Variants in DAAM1 observed in about 807,000 individuals in gnomAD.
DAAM1 encodes the protein disheveled-associated activator of morphogenesis 1.
Under a neutral mutation model 130.0 loss-of-function variants are expected in DAAM1, and 52 were observed. That is an observed-to-expected ratio of 0.40 (90% confidence interval 0.32 to 0.50). The LOEUF (loss-of-function observed/expected upper bound fraction) is 0.50. DAAM1 is among the 20% of genes least tolerant of loss of function. The pLI is 0.61. For missense variants in DAAM1, 1,134 were observed against 1,303.8 expected (o/e 0.87, Z 2.01); for synonymous variants, 452 against 444.5 (o/e 1.02, Z -0.21).
intron 18 of DAAM1, among the ~76,000 whole-genome samples, chr14:59,353,466 G>C (rs1469204462): frequency 6.6e-6 from 1 of 152,240 alleles, no homozygotes; most frequent in Non-Finnish European, 1.5e-5. Context: ...TTTGGGAGAA[G>C]TGTACGGAAC....
intron 1 of DAAM1, among the ~76,000 whole-genome samples, chr14:59,196,287 T>C (rs1335250011): frequency 6.6e-6 from 1 of 152,172 alleles, no homozygotes; most frequent in African/African-American, 2.4e-5. Context: ...CCAGATGAGA[T>C]AGATTGTTCA....
intron 1 of DAAM1, among the ~76,000 whole-genome samples, chr14:59,216,914 A>C (rs1256631074): frequency 5.3e-5 from 3 of 56,978 alleles, no homozygotes; most frequent in African/African-American, 1.7e-4. Flanking sequence ...GTATGTCTAT[A>C]TAGTTTTTTT....
chr14:59,208,219 A>G (rs1888322612), intron 1 of DAAM1, among the ~76,000 whole-genome samples: 1 of 152,162 alleles, frequency 6.6e-6, no homozygotes, highest in South Asian at 2.1e-4. Flanking sequence ...CTCCCAGTTG[A>G]CCGAATAGAC....
chr14:59,234,276 C>T (rs1182050287), intron 1 of DAAM1, among the ~76,000 whole-genome samples: 1 of 152,028 alleles, frequency 6.6e-6, no homozygotes, highest in African/African-American at 2.4e-5. Flanking sequence ...GAATGTTTTC[C>T]CTTTTGTTTG....
chr14:59,330,984 A>G (rs1289025307), intron 13 of DAAM1, among the ~76,000 whole-genome samples: 3 of 152,304 alleles, frequency 2.0e-5, no homozygotes, highest in East Asian at 3.9e-4. Flanking sequence ...TGAGAGAGAT[A>G]TGAATGCATC....
intron 1 of DAAM1, among the ~76,000 whole-genome samples, chr14:59,225,041 T>G (rs191351001): frequency 0.064 from 9,232 of 145,250 alleles, 613 homozygotes; most frequent in Non-Finnish European, 0.092. Flanking sequence ...TTTTTTTTTT[T>G]TTTTTGAGAC....
chr14:59,364,537 T>C (rs1566511212), intron 23 of DAAM1, among the ~76,000 whole-genome samples: 1 of 146,800 alleles, frequency 6.8e-6, no homozygotes, highest in African/African-American at 2.4e-5. Flanking sequence ...TCTCATTTTC[T>C]ATCCTCTTCT....
intron 15 of DAAM1, among the ~76,000 whole-genome samples, chr14:59,333,871 C>T (rs1365446393): frequency 6.6e-6 from 1 of 152,174 alleles, no homozygotes. Flanking sequence ...AATATGTGGA[C>T]AGTTCTCAAG....
chr14:59,224,588 T>C (rs1888877144), intron 1 of DAAM1, among the ~76,000 whole-genome samples: 1 of 152,258 alleles, frequency 6.6e-6, no homozygotes, highest in African/African-American at 2.4e-5. Context: ...ATATCTGATT[T>C]AGATGGCATT....
intron 2 of DAAM1, among the ~76,000 whole-genome samples, chr14:59,273,183 C>T (rs1330778239): frequency 1.3e-5 from 2 of 152,196 alleles, no homozygotes; most frequent in Non-Finnish European, 2.9e-5. Context: ...TCCAATAAAG[C>T]TTAAGATACG....
intron 4 of DAAM1, among the ~76,000 whole-genome samples, chr14:59,319,996 C>T (rs563770103): frequency 3.3e-5 from 5 of 152,200 alleles, no homozygotes; most frequent in South Asian, 2.1e-4. Context: ...CTAGAAGTTA[C>T]GCATTTACTC....
At chr14:59,197,560 GAGATTCTGTGAGT>G (rs1240721155) in intron 1 of DAAM1, among the ~76,000 whole-genome samples, 1 of 152,240 alleles carries the variant, frequency 6.6e-6, no homozygotes, top group Non-Finnish European at 1.5e-5. Context: ...TTTAGGGCTT[GAGATTCTGTGAGT>G]AGGTAACACT....
At chr14:59,300,992 A>G (rs556269406) in intron 3 of DAAM1, among the ~76,000 whole-genome samples, 1 of 152,324 alleles carries the variant, frequency 6.6e-6, no homozygotes, top group Non-Finnish European at 1.5e-5. Flanking sequence ...GTTGTTTGAT[A>G]TGAACATTTT....
intron 4 of DAAM1, among the ~76,000 whole-genome samples, chr14:59,319,053 C>T (rs1322370624): frequency 6.6e-6 from 1 of 152,116 alleles, no homozygotes; most frequent in Non-Finnish European, 1.5e-5. Context: ...AGAGTCCAAA[C>T]GAGTTCAGCT....
chr14:59,348,626 C>T (rs1886171379), intron 17 of DAAM1, among the ~76,000 whole-genome samples: 1 of 152,196 alleles, frequency 6.6e-6, no homozygotes, highest in Non-Finnish European at 1.5e-5. Context: ...TGATTCTAGA[C>T]TGAACTCCAG....
chr14:59,360,707 A>G (rs1886672084), intron 21 of DAAM1, 95 bp from the exon 22 acceptor site: 5 of 1,001,686 alleles, frequency 5.0e-6, no homozygotes, highest in Non-Finnish European at 2.9e-6. Flanking sequence ...AAATTAAAAT[A>G]GGATGGACTT....
intron 1 of DAAM1, among the ~76,000 whole-genome samples, chr14:59,248,823 G>C (rs768094367): frequency 7.2e-5 from 11 of 151,900 alleles, no homozygotes; most frequent in African/African-American, 2.4e-4. Flanking sequence ...TCGCTCTGTC[G>C]CCCAGGCTGG....
intron 22 of DAAM1, chr14:59,362,370 AAT>A (rs971120091): frequency 6.6e-6 from 1 of 152,190 alleles, no homozygotes; most frequent in South Asian, 2.1e-4. Context: ...CGCCTGGCCA[AAT>A]ATATATGTGT....
At chr14:59,195,678 G>A (rs986854158) in intron 1 of DAAM1, among the ~76,000 whole-genome samples, 2 of 152,186 alleles carry the variant, frequency 1.3e-5, no homozygotes, top group African/African-American at 2.4e-5. Flanking sequence ...GCTTACAAGA[G>A]TAGATAGCCC....
Sources: gnomAD v4.1 joint callset for allele counts (sites outside exome capture counted in the v4.1 genomes callset) on GRCh38, gnomAD v4.1.1 for gene constraint, MANE v1.5 for transcripts, NCBI Gene and HGNC (gene_info 2026-07-23, HGNC 2026-07-21) for gene names.